The following CALCOCO2 variants were observed in gnomAD, a reference collection of about 807,000 sequenced individuals.
CALCOCO2 encodes calcium binding and coiled-coil domain 2.
Under a neutral mutation model 62.5 loss-of-function variants are expected in CALCOCO2, and 42 were observed. The observed-to-expected ratio is 0.67, with a 90% CI of 0.53 to 0.87. The LOEUF (loss-of-function observed/expected upper bound fraction) is 0.87. Ranked by LOEUF, CALCOCO2 falls within the 40% of genes least tolerant of loss-of-function variation. The pLI is 0.00. For missense variants in CALCOCO2, 456 were observed against 515.0 expected (o/e 0.89, Z 1.11); for synonymous variants, 167 against 173.0 (o/e 0.97, Z 0.27).
At chr17:48,851,038 T>C in intron 5 of CALCOCO2, 51 bp from the exon 6 acceptor site, 2 of 1,027,952 alleles carry the variant, frequency 1.9e-6, no homozygotes, top group Non-Finnish European at 3.1e-6. Context: ...AAGATACTCA[T>C]TCAAAAGTCA....
chr17:48,842,486 C>T lies in CALCOCO2; in HGVS notation c.180+599C>T, dbSNP rs2143595041. The T allele has an allele frequency of 2.0e-5, 3 of 151,942 alleles. No individual in the cohort carries two copies. The Middle Eastern group carries it at 0.01, about 520-fold the overall frequency. 9.4% of individuals were successfully genotyped at this position (151,942 alleles called of 1,614,324 possible). On this transcript the variant is annotated intron_variant, in intron 2 of 12. Transcript: ENST00000258947. ...TGCTGTCAAAAACCAAATATAAATACTTGCTTCTTGTTGTTGAGATAGAGT... is the reference window on the plus strand; with the variant it reads ...TGCTGTCAAAAACCAAATATAAATATTTGCTTCTTGTTGTTGAGATAGAGT...
Position 48,850,829 on chromosome 17 carries a change from A to G in CALCOCO2, c.544-260A>G, listed in dbSNP as rs536057204. Among the ~76,000 whole-genome samples the G allele has an allele frequency of 2.0e-5, 3 of 151,976 alleles. No individual in the cohort carries two copies. In the South Asian group the frequency reaches 6.2e-4, roughly 32 times the overall value. On this transcript the variant is annotated intron_variant, in intron 5 of 12. Coordinates refer to ENST00000258947, the MANE Select transcript of CALCOCO2 (RefSeq NM_005831.5). The stretch of plus-strand genomic sequence containing the variant: ...GCACTTTGGGAGGCTGAGGCACAAC[A>G]ATTGCGTGAACCCGGGCGACAGAGG...
chr17:48,858,069 T>TAGAATAGAATAGAACAGAACAGAAC (rs2040269554), intron 10 of CALCOCO2, among the ~76,000 whole-genome samples: 1 of 145,450 alleles, frequency 6.9e-6, no homozygotes, highest in Non-Finnish European at 1.5e-5. Context: ...TAGAATAGAA[T>TAGAATAGAATAGAACAGAACAGAAC]AGAATTTTAC....
intron 1 of CALCOCO2, among the ~76,000 whole-genome samples, chr17:48,833,667 T>C (rs138256250): frequency 1.3e-5 from 2 of 152,228 alleles, no homozygotes; most frequent in Non-Finnish European, 2.9e-5. Flanking sequence ...TTGCATGTCT[T>C]TCTTGCCTGT....
chr17:48,856,283 C>T (rs1480290002), intron 10 of CALCOCO2, 96 bp downstream of exon 10: 3 of 641,666 alleles, frequency 4.7e-6, no homozygotes, highest in Non-Finnish European at 8.2e-6. Flanking sequence ...AGTTAAGGGC[C>T]CTTTCTGGGA....
chr17:48,835,845 G>A (rs1425002828), intron 1 of CALCOCO2, among the ~76,000 whole-genome samples: 2 of 151,908 alleles, frequency 1.3e-5, no homozygotes, highest in Admixed American at 6.6e-5. Context: ...CGCCTCCTGG[G>A]TTCAAGCGAT....
chr17:48,848,206 C>A, intron 3 of CALCOCO2, 40 bp downstream of exon 3: 1 of 1,521,604 alleles, frequency 6.6e-7, no homozygotes, highest in Non-Finnish European at 9.1e-7. Flanking sequence ...AAGACAGTAG[C>A]CAAGACTAAT....
intron 10 of CALCOCO2, among the ~76,000 whole-genome samples, chr17:48,858,032 T>TAGG (rs2040257021): frequency 6.7e-5 from 1 of 14,894 alleles, no homozygotes; most frequent in Non-Finnish European, 1.9e-4. Context: ...TAGAATAGAA[T>TAGG]AGAATAGAAT....
intron 1 of CALCOCO2, among the ~76,000 whole-genome samples, chr17:48,833,546 C>A (rs1352125196): frequency 1.6e-5 from 2 of 128,488 alleles, no homozygotes; most frequent in African/African-American, 5.8e-5. Context: ...GACTCTGTCT[C>A]AAAAAAAAAA....
intron 1 of CALCOCO2, among the ~76,000 whole-genome samples, chr17:48,836,646 G>A (rs1047824258): frequency 2.6e-5 from 4 of 152,054 alleles, no homozygotes; most frequent in East Asian, 3.8e-4. Flanking sequence ...GGTTTCTCTT[G>A]GATGCTATGG....
chr17:48,862,064 AT>A lies in CALCOCO2; in HGVS notation c.1145-211del, dbSNP rs1423261942. On this transcript the variant is annotated intron_variant, in intron 11 of 12. Transcript: ENST00000258947. Reference sequence around the variant, plus strand: ...ACTCTGTCTCAAAAAAAAAAAAAAAATACGATTTCATTATTTATGTTTTCTT... The same window carrying A: ...ACTCTGTCTCAAAAAAAAAAAAAAAAACGATTTCATTATTTATGTTTTCTT... Among the ~76,000 whole-genome samples, 332 of 144,588 alleles carry A rather than the reference AT, an allele frequency of 2.3e-3. 4 individuals carry two copies. Among genetic ancestry groups the A allele is most frequent in the East Asian group, 0.017 (82 of 4,926 alleles). The allele number at this position is 144,588 out of a possible 152,430, so 94.9% of individuals were successfully genotyped here.
chr17:48,836,567 A>G (rs1193516130), intron 1 of CALCOCO2, among the ~76,000 whole-genome samples: 2 of 152,146 alleles, frequency 1.3e-5, no homozygotes, highest in Non-Finnish European at 2.9e-5. Context: ...TGTGTTATGT[A>G]TACAATGGTG....
rs183153634 is a variant in CALCOCO2, at chr17:48,855,820, G to A, written c.913-272G>A. Reference sequence around the variant, plus strand: ...AAGTCAGTCTTGAGATTTTCCCCAAGGTTGCTTTTTCCCTCCTTGGTCACT... The same window carrying A: ...AAGTCAGTCTTGAGATTTTCCCCAAAGTTGCTTTTTCCCTCCTTGGTCACT... On this transcript the variant is annotated intron_variant, in intron 9 of 12. Coordinates refer to ENST00000258947, the MANE Select transcript of CALCOCO2 (RefSeq NM_005831.5). 3 of 206,184 alleles carry A rather than the reference G, an allele frequency of 1.5e-5. No individual in the cohort carries two copies. In the East Asian group the frequency reaches 2.8e-4, roughly 19 times the overall value. 12.8% of individuals were successfully genotyped at this position (206,184 alleles called of 1,614,324 possible).
At chr17:48,836,436 C>T (rs573177041) in intron 1 of CALCOCO2, among the ~76,000 whole-genome samples, 9 of 152,322 alleles carry the variant, frequency 5.9e-5, no homozygotes, top group Admixed American at 3.3e-4. Flanking sequence ...CCCAGAGTCA[C>T]CCTTACCATT....
At chr17:48,841,125 G>A (rs1422676231) in intron 1 of CALCOCO2, among the ~76,000 whole-genome samples, 1 of 152,168 alleles carries the variant, frequency 6.6e-6, no homozygotes, top group Non-Finnish European at 1.5e-5. Context: ...AATTTAATAG[G>A]TGGTGAAGCT....
chr17:48,852,347 A>AAAGAGGTG (rs1243539692), intron 7 of CALCOCO2, 159 bp from the exon 8 acceptor site: 10 of 609,116 alleles, frequency 1.6e-5, no homozygotes, highest in Non-Finnish European at 2.9e-5. Flanking sequence ...GCTATGCCTT[A>AAAGAGGTG]AAGAGGTGCT....
intron 9 of CALCOCO2, 196 bp from the exon 10 acceptor site, chr17:48,855,896 G>T: frequency 1.3e-5 from 4 of 298,950 alleles, no homozygotes; most frequent in Non-Finnish European, 1.8e-5. Context: ...GCATCTTGAT[G>T]CCAGCTCAGG....
At chr17:48,832,843 A>G (rs1348656531) in intron 1 of CALCOCO2, among the ~76,000 whole-genome samples, 1 of 152,190 alleles carries the variant, frequency 6.6e-6, no homozygotes, top group Non-Finnish European at 1.5e-5. Flanking sequence ...GATGTCCCAG[A>G]ACTATTTTTT....
At chr17:48,850,612 C>T (rs1486009306) in intron 5 of CALCOCO2, among the ~76,000 whole-genome samples, 1 of 152,128 alleles carries the variant, frequency 6.6e-6, no homozygotes, top group African/African-American at 2.4e-5. Flanking sequence ...AGGAAAAGGG[C>T]AGTTCTGTCT....
Sources: gnomAD v4.1 joint callset for allele counts (sites outside exome capture counted in the v4.1 genomes callset) on GRCh38, gnomAD v4.1.1 for gene constraint, MANE v1.5 for transcripts, NCBI Gene and HGNC (gene_info 2026-07-23, HGNC 2026-07-21) for gene names.